The following NRXN3 variants were observed in gnomAD, a reference collection of about 807,000 sequenced individuals.
NRXN3 encodes the protein neurexin III.
In NRXN3, 32 loss-of-function variants were observed where a neutral mutation model predicts 137.6. The ratio of observed to expected loss-of-function variants is 0.23; its 90% confidence interval spans 0.18 to 0.31. The LOEUF (loss-of-function observed/expected upper bound fraction) is 0.31, where lower values mean the gene tolerates loss of function less well. Among genes scored for constraint, NRXN3 ranks in the 10% least tolerant of loss-of-function variants. The pLI, the probability that NRXN3 is intolerant of heterozygous loss-of-function variation, is 1.00. For missense variants in NRXN3, 1,574 were observed against 2,062.5 expected (o/e 0.76, Z 4.59); for synonymous variants, 798 against 784.5 (o/e 1.02, Z -0.29).
chr14:79,519,171 T>C (rs1204486454), intron 16 of NRXN3, among the ~76,000 whole-genome samples: 1 of 133,756 alleles, frequency 7.5e-6, no homozygotes, highest in African/African-American at 3.6e-5. Flanking sequence ...AATTACACTT[T>C]TCTAGGATAT....
At chr14:78,545,511 A>G (rs2096629376) in intron 4 of NRXN3, among the ~76,000 whole-genome samples, 1 of 152,154 alleles carries the variant, frequency 6.6e-6, no homozygotes, top group African/African-American at 2.4e-5. Context: ...TTTTCTCTAT[A>G]CACATATAAT....
At chr14:79,708,633 G>A (rs1280932442) in intron 19 of NRXN3, among the ~76,000 whole-genome samples, 1 of 152,048 alleles carries the variant, frequency 6.6e-6, no homozygotes, top group Admixed American at 6.6e-5. Context: ...GGGAGGGGTG[G>A]GATGTGGTTT....
intron 15 of NRXN3, among the ~76,000 whole-genome samples, chr14:79,319,155 A>G (rs2089498238): frequency 6.6e-6 from 1 of 152,178 alleles, no homozygotes; most frequent in Non-Finnish European, 1.5e-5. Flanking sequence ...AATAAAATCT[A>G]CTGGACTTGG....
intron 15 of NRXN3, among the ~76,000 whole-genome samples, chr14:79,069,181 G>A (rs970394700): frequency 6.6e-6 from 1 of 152,068 alleles, no homozygotes; most frequent in East Asian, 1.9e-4. Context: ...AGAGGAAAAT[G>A]TAAGGCAAGG....
intron 15 of NRXN3, among the ~76,000 whole-genome samples, chr14:79,376,201 T>G (rs1180785318): frequency 5.1e-5 from 6 of 118,176 alleles, no homozygotes; most frequent in Admixed American, 3.8e-4. Context: ...TGTGGGTGTG[T>G]GTGTGTGTGT....
At chr14:79,020,990 G>A (rs1485946054) in intron 15 of NRXN3, among the ~76,000 whole-genome samples, 1 of 152,048 alleles carries the variant, frequency 6.6e-6, no homozygotes, top group African/African-American at 2.4e-5. Context: ...CAGTTTAGAT[G>A]TGTGATCTTT....
chr14:79,376,085 G>GTCATCA (rs1023388110), intron 15 of NRXN3, among the ~76,000 whole-genome samples: 1 of 146,716 alleles, frequency 6.8e-6, no homozygotes, highest in East Asian at 2.0e-4. Context: ...TATTGTTTTA[G>GTCATCA]TCATCATCAT....
At chr14:78,495,656 C>G (rs1000184198) in intron 4 of NRXN3, among the ~76,000 whole-genome samples, 1 of 152,046 alleles carries the variant, frequency 6.6e-6, no homozygotes, top group Non-Finnish European at 1.5e-5. Flanking sequence ...ATATTAGGGA[C>G]CAGGAATATG....
chr14:78,540,205 G>A (rs1231970565), intron 4 of NRXN3, among the ~76,000 whole-genome samples: 1 of 152,004 alleles, frequency 6.6e-6, no homozygotes, highest in African/African-American at 2.4e-5. Context: ...TTGGCAGTGG[G>A]GTTTTAAAGT....
At chr14:78,445,164 C>G (rs74066541) in intron 4 of NRXN3, among the ~76,000 whole-genome samples, 179 of 152,074 alleles carry the variant, frequency 1.2e-3, no homozygotes, top group African/African-American at 4.0e-3. Flanking sequence ...AATGTGGTTG[C>G]AAAGGAGACA....
At chr14:79,196,853 A>C (rs1371988864) in intron 15 of NRXN3, among the ~76,000 whole-genome samples, 3 of 152,310 alleles carry the variant, frequency 2.0e-5, no homozygotes, top group South Asian at 4.1e-4. Context: ...CAACCACAAT[A>C]TCTCCAGCAG....
chr14:78,666,035 A>C (rs1241541453), intron 6 of NRXN3, among the ~76,000 whole-genome samples: 1 of 152,114 alleles, frequency 6.6e-6, no homozygotes, highest in African/African-American at 2.4e-5. Flanking sequence ...TCTCCCTTTC[A>C]ACTTCCGAAT....
chr14:78,992,191 G>T (rs2099520337), intron 15 of NRXN3, among the ~76,000 whole-genome samples: 4 of 152,288 alleles, frequency 2.6e-5, no homozygotes, highest in Non-Finnish European at 5.9e-5. Flanking sequence ...TTTTAGGGCT[G>T]TTTTGATTCT....
intron 10 of NRXN3, among the ~76,000 whole-genome samples, chr14:78,838,790 T>G (rs905140890): frequency 4.6e-5 from 7 of 152,108 alleles, no homozygotes; most frequent in Non-Finnish European, 1.5e-5. Context: ...ATTGGGCACT[T>G]CCATCTAATA....
chr14:79,485,160 G>T (rs2096644457), intron 16 of NRXN3, among the ~76,000 whole-genome samples: 1 of 151,996 alleles, frequency 6.6e-6, no homozygotes, highest in Admixed American at 6.6e-5. Flanking sequence ...TCTGAAGGGG[G>T]CAGTCTTTCA....
chr14:79,252,407 A>G (rs551140232), intron 15 of NRXN3, among the ~76,000 whole-genome samples: 1 of 152,288 alleles, frequency 6.6e-6, no homozygotes, highest in Admixed American at 6.5e-5. Context: ...ATTTATATGG[A>G]AAAGAGTTTT....
chr14:79,435,815 G>A (rs984568265), intron 15 of NRXN3, among the ~76,000 whole-genome samples: 5 of 151,928 alleles, frequency 3.3e-5, no homozygotes, highest in Admixed American at 1.3e-4. Flanking sequence ...TTAATTTTTT[G>A]TAGAGATGAG....
intron 10 of NRXN3, among the ~76,000 whole-genome samples, chr14:78,873,671 GA>G (rs1412398364): frequency 2.6e-5 from 4 of 152,172 alleles, no homozygotes; most frequent in African/African-American, 9.7e-5. Flanking sequence ...CATATTTTTA[GA>G]AGATAAAGAG....
At chr14:79,269,965 A>G (rs1420445315) in intron 15 of NRXN3, among the ~76,000 whole-genome samples, 1 of 152,246 alleles carries the variant, frequency 6.6e-6, no homozygotes, top group Non-Finnish European at 1.5e-5. Flanking sequence ...AATGAATGAG[A>G]TTTTAATAAA....
Sources: allele counts gnomAD v4.1 joint callset (sites outside exome capture counted in the v4.1 genomes callset), GRCh38; gene constraint gnomAD v4.1.1; transcripts MANE v1.5; gene names NCBI Gene and HGNC (gene_info 2026-07-23, HGNC 2026-07-21).